The following TRIP11 variants were observed in gnomAD, a reference collection of about 807,000 sequenced individuals.
The protein encoded by TRIP11 is thyroid hormone receptor interactor 11.
Under a neutral mutation model 223.1 loss-of-function variants are expected in TRIP11, and 148 were observed. That is an observed-to-expected ratio of 0.66 (90% CI 0.58 to 0.76). The LOEUF is 0.76. TRIP11 is among the 30% of genes least tolerant of loss of function. The probability of loss-of-function intolerance (pLI) is 0.00; values close to 1 mark genes in which losing one functional copy is unlikely to be tolerated. For synonymous variants in TRIP11, 762 were observed against 772.6 expected (o/e 0.99, Z 0.23); for missense variants, 2,043 against 2,222.0 (o/e 0.92, Z 1.62).
intron 15 of TRIP11, 23 bp from the exon 16 acceptor site, chr14:91,988,406 A>G (rs1471998005): frequency 6.2e-7 from 1 of 1,600,340 alleles, no homozygotes; most frequent in Non-Finnish European, 8.6e-7. Flanking sequence ...ACTTTATTAA[A>G]AAAAAGTATG....
Position 92,017,192 on chromosome 14 carries a change from G to A in TRIP11, c.657+490C>T, listed in dbSNP as rs143329440. Among the ~76,000 whole-genome samples the A allele has an allele frequency of 3.8e-3, 581 of 152,064 alleles. 1 individual carries two copies. The highest frequency in any genetic ancestry group is 9.4e-3 in the Admixed American group (143 of 15,278). On this transcript the variant is annotated intron_variant, in intron 5 of 20. Coordinates refer to ENST00000267622, the MANE Select transcript of TRIP11 (RefSeq NM_004239.4). ...AAATGTTCAAAACCAAATGATTCTG[G>A]AAAGACAGAGATTTTTATATACTTT...
chr14:92,017,578 T>C (rs1331165751), intron 5 of TRIP11, 104 bp downstream of exon 5: 1 of 863,032 alleles, frequency 1.2e-6, no homozygotes, highest in African/African-American at 1.7e-5. Context: ...ATCTATATAA[T>C]GATAATGACT....
At chr14:92,021,923 A>G (rs2057120637) in intron 3 of TRIP11, 92 bp from the exon 4 acceptor site, 1 of 1,387,052 alleles carries the variant, frequency 7.2e-7, no homozygotes, top group African/African-American at 1.4e-5. Context: ...CAATACAATA[A>G]TTTGTCTAAG....
intron 7 of TRIP11, among the ~76,000 whole-genome samples, chr14:92,012,687 T>C (rs1219061590): frequency 6.6e-6 from 1 of 151,372 alleles, no homozygotes. Flanking sequence ...GGTAACAGAG[T>C]GAAGAGGTAA....
chr14:92,035,027 G>A lies in TRIP11; in HGVS notation c.140-1774C>T, dbSNP rs750418297. ...GCTGTTAGAAAATCATCATCTGGCTGGTCTCGGTGGCTCATGCCTGTAATC... is the reference window on the plus strand; with the variant it reads ...GCTGTTAGAAAATCATCATCTGGCTAGTCTCGGTGGCTCATGCCTGTAATC... On this transcript the variant is annotated intron_variant, in intron 1 of 20. Transcript: ENST00000267622. 3.0e-4 allele frequency among the ~76,000 whole-genome samples: 46 copies of A among 151,910 alleles called. 1 individual carries two copies. The highest frequency in any genetic ancestry group is 1.5e-4 in the Non-Finnish European group (10 of 67,984).
At chr14:92,026,811 C>A in intron 2 of TRIP11, 1 of 1,354,198 alleles carries the variant, frequency 7.4e-7, no homozygotes, top group South Asian at 1.2e-5. Flanking sequence ...GAGTCAGCTA[C>A]CGGCAAGTGG....
rs1595362338 is a variant in TRIP11 at position 91,969,871 on chromosome 14, A to G, written c.5742T>C (p.Gly1914=). 1 of 1,614,106 alleles carries G rather than the reference A, an allele frequency of 6.2e-7. No individual in the cohort carries two copies. ...SFKDTAESRS[G]RRTDVNPFLA... ...AAAACGGATTTACATCTGTTCTTCT[A>G]CCAGACCTGGATTCTGCTGTATCTA... Residue 1914 remains glycine, a synonymous_variant, in exon 21 of 21, where the codon GGT becomes GGC. Transcript: ENST00000267622.
Position 91,986,742 on chromosome 14 carries a change from T to A in TRIP11, c.5260+1542A>T, listed in dbSNP as rs1595373151. Among the ~76,000 whole-genome samples the A allele has an allele frequency of 3.9e-5, 6 of 152,222 alleles. No homozygotes were observed. The East Asian group carries it at 1.2e-3, about 29-fold the overall frequency. On this transcript the variant is annotated intron_variant, in intron 16 of 20. Coordinates refer to ENST00000267622, the MANE Select transcript of TRIP11 (RefSeq NM_004239.4). Reference sequence around the variant, plus strand: ...CAACCCGAAGATTATCAATTCCCAGTGTGTCTCCTCTCAGTTGCCCATATG... The same window carrying A: ...CAACCCGAAGATTATCAATTCCCAGAGTGTCTCCTCTCAGTTGCCCATATG...
intron 11 of TRIP11, among the ~76,000 whole-genome samples, chr14:92,002,416 G>A (rs1179379789): frequency 6.6e-6 from 1 of 151,996 alleles, no homozygotes; most frequent in East Asian, 1.9e-4. Context: ...AGCCTACTAT[G>A]AGAAAAGTAT....
In TRIP11 at chr14:92,000,039, G is replaced by C. The variant is rs150835696; in HGVS notation, c.4627C>G (p.Gln1543Glu). Residue 1543 changes from glutamine (Q) to glutamate (E), a missense_variant, in exon 12 of 21, where the codon CAA becomes GAA. Physicochemically the swap from Gln to Glu is conservative, Grantham distance 29. Transcript: ENST00000267622. ...KSMQEKTVVF[Q>E]QERDQVMLAL... ...AACATGACTTGGTCTCTCTCCTGTTGAAACACAACTGTCTTCTCCTGCATT... is the reference window on the plus strand; with the variant it reads ...AACATGACTTGGTCTCTCTCCTGTTCAAACACAACTGTCTTCTCCTGCATT... The C allele has an allele frequency of 1.2e-6, 2 of 1,613,718 alleles. No homozygotes were observed. The highest frequency in any genetic ancestry group is 2.7e-5 in the African/African-American group (2 of 74,856).
At chr14:92,006,580 T>C (rs2056905998) in intron 10 of TRIP11, 132 bp from the exon 11 acceptor site, 2 of 1,066,284 alleles carry the variant, frequency 1.9e-6, no homozygotes, top group South Asian at 3.1e-5. Context: ...AACATTGTTT[T>C]TCTATCAAAA....
At chr14:91,987,588 CA>C in intron 16 of TRIP11, among the ~76,000 whole-genome samples, 1 of 152,168 alleles carries the variant, frequency 6.6e-6, no homozygotes, top group Non-Finnish European at 1.5e-5. Flanking sequence ...GCTCCGTTAT[CA>C]CCTTTCCAAT....
chr14:91,973,759 G>A (rs2056428188), intron 19 of TRIP11, among the ~76,000 whole-genome samples: 1 of 152,320 alleles, frequency 6.6e-6, no homozygotes, highest in Admixed American at 6.5e-5. Context: ...GGGCACAGTG[G>A]CTCACGCCTG....
chr14:92,028,895 T>G (rs555780594), intron 2 of TRIP11, among the ~76,000 whole-genome samples: 1 of 152,336 alleles, frequency 6.6e-6, no homozygotes, highest in South Asian at 2.1e-4. Flanking sequence ...TGAAATCAAC[T>G]TAATTTCTTT....
At chr14:91,976,579 T>C (rs2056467483) in intron 16 of TRIP11, among the ~76,000 whole-genome samples, 1 of 152,202 alleles carries the variant, frequency 6.6e-6, no homozygotes, top group Non-Finnish European at 1.5e-5. Flanking sequence ...TTTAATATTT[T>C]CCTTTTTCTA....
intron 19 of TRIP11, among the ~76,000 whole-genome samples, 182 bp from the exon 20 acceptor site, chr14:91,973,043 T>TTTTTTA (rs2056419270): frequency 2.8e-5 from 4 of 142,482 alleles, no homozygotes; most frequent in African/African-American, 1.1e-4. Context: ...TTTTTTTTTT[T>TTTTTTA]GAGACGGTGT....
chr14:91,979,817 T>C (rs1380409101), intron 16 of TRIP11, among the ~76,000 whole-genome samples: 1 of 152,206 alleles, frequency 6.6e-6, no homozygotes. Flanking sequence ...TCAGAGATTC[T>C]GAATATTTCT....
At position 92,005,141 on chromosome 14, in the gene TRIP11, G is replaced by A; in HGVS notation, c.2835C>T (p.Tyr945=). 2 of 1,613,488 alleles carry A rather than the reference G, an allele frequency of 1.2e-6. No homozygotes were observed. The highest frequency in any genetic ancestry group is 2.2e-5 in the East Asian group (1 of 44,874). ...EQKKEMDEFR[Y]QHEQMNATHT... Reference sequence around the variant, plus strand: ...GTGTGGCGTTCATTTGCTCATGCTGGTATCTAAACTCATCCATTTCCTTCT... The same window carrying A: ...GTGTGGCGTTCATTTGCTCATGCTGATATCTAAACTCATCCATTTCCTTCT... The change falls in exon 11 of 21, where the codon TAC becomes TAT. Residue 945 remains tyrosine, a synonymous_variant. Coordinates refer to ENST00000267622, the MANE Select transcript of TRIP11 (RefSeq NM_004239.4).
In TRIP11 at chr14:91,968,716, A is replaced by G. The variant is rs1046454340; in HGVS notation, c.*957T>C. The G allele has an allele frequency of 3.9e-5, 9 of 228,556 alleles. No homozygotes were observed. The highest frequency in any genetic ancestry group is 7.0e-5 in the Non-Finnish European group (8 of 114,436). 14.2% of individuals were successfully genotyped at this position (228,556 alleles called of 1,614,324 possible). The stretch of plus-strand genomic sequence containing the variant: ...ACTAGTGATACATCCAAAGCCTTGG[A>G]TGGATCTCAAGGGAATTATGCTGAG... On this transcript the variant is annotated 3_prime_UTR_variant, in exon 21 of 21. Coordinates refer to ENST00000267622, the MANE Select transcript of TRIP11 (RefSeq NM_004239.4).
Sources: allele counts gnomAD v4.1 joint callset (sites outside exome capture counted in the v4.1 genomes callset), GRCh38; gene constraint gnomAD v4.1.1; transcripts MANE v1.5; gene names NCBI Gene and HGNC (gene_info 2026-07-23, HGNC 2026-07-21).